The following COL6A6 variants were observed in gnomAD, a reference collection of about 807,000 sequenced individuals.
The protein encoded by COL6A6 is collagen alpha-6(VI) chain.
In COL6A6, 183 loss-of-function variants were observed where a neutral mutation model predicts 208.6. The ratio of observed to expected loss-of-function variants is 0.88; its 90% confidence interval spans 0.78 to 0.99. COL6A6 has a LOEUF of 0.99. Among genes scored for constraint, COL6A6 ranks in the 50% least tolerant of loss-of-function variants. The probability of loss-of-function intolerance (pLI) is 0.00; values close to 1 mark genes in which losing one functional copy is unlikely to be tolerated. For synonymous variants in COL6A6, 973 were observed against 1,011.8 expected (o/e 0.96, Z 0.73); for missense variants, 2,816 against 2,815.2 (o/e 1.00, Z -0.01).
At position 130,584,900 on chromosome 3, in the gene COL6A6, C is replaced by T. The variant is rs536805986; in HGVS notation, c.3971-1606C>T. On this transcript the variant is annotated intron_variant, in intron 10 of 36. Coordinates refer to ENST00000358511, the MANE Select transcript of COL6A6 (RefSeq NM_001102608.3). The stretch of plus-strand genomic sequence containing the variant: ...GAGTGATGGGATTACAGGTGTGAGC[C>T]ACCGCACCCGGCCTCTTTCTTTCTT... Among the ~76,000 whole-genome samples, 3 of 152,246 alleles carry T rather than the reference C, an allele frequency of 2.0e-5. No individual in the cohort carries two copies. In the East Asian group the frequency reaches 5.8e-4, roughly 29 times the overall value.
At chr3:130,665,751 A>C (rs2066059416) in intron 36 of COL6A6, among the ~76,000 whole-genome samples, 1 of 152,246 alleles carries the variant, frequency 6.6e-6, no homozygotes, top group African/African-American at 2.4e-5. Context: ...GAAAATCACC[A>C]GTTTGTGGTT....
At chr3:130,518,415 GTCACTT>G (rs1710865919) in intron 1 of COL6A6, among the ~76,000 whole-genome samples, 1 of 152,170 alleles carries the variant, frequency 6.6e-6, no homozygotes, top group Non-Finnish European at 1.5e-5. Flanking sequence ...CATAGAGGAA[GTCACTT>G]ACATAAAAAT....
Position 130,662,237 on chromosome 3 carries a change from T to A in COL6A6, c.6431T>A (p.Leu2144His). 6.2e-7 allele frequency: 1 copy of A among 1,614,040 alleles called. No homozygotes were observed. The highest frequency in any genetic ancestry group is 8.5e-7 in the Non-Finnish European group (1 of 1,179,888). Reference protein sequence around the residue: ...SHPLDHHLVQLGRIHKPDHSY... With the variant: ...SHPLDHHLVQHGRIHKPDHSY... ...CCTTTGGATCACCACCTGGTCCAGCTTGGCCGAATTCATAAACCTGACCAC... is the reference window on the plus strand; with the variant it reads ...CCTTTGGATCACCACCTGGTCCAGCATGGCCGAATTCATAAACCTGACCAC... Residue 2144 changes from leucine (L) to histidine (H), a missense_variant, in exon 35 of 37, where the codon CTT becomes CAT. Leu to His is a moderately conservative substitution (Grantham distance 99). Coordinates refer to ENST00000358511, the MANE Select transcript of COL6A6 (RefSeq NM_001102608.3).
intron 1 of COL6A6, among the ~76,000 whole-genome samples, chr3:130,552,652 T>TCATATGTGCG (rs1271085973): frequency 2.6e-5 from 4 of 152,214 alleles, no homozygotes; most frequent in Non-Finnish European, 4.4e-5. Flanking sequence ...CATTCAAGAT[T>TCATATGTGCG]AGTATTCATA....
chr3:130,672,700 G>A (rs112110658), intron 36 of COL6A6, among the ~76,000 whole-genome samples: 32 of 151,338 alleles, frequency 2.1e-4, no homozygotes, highest in African/African-American at 5.1e-4. Context: ...CACCGCGCCC[G>A]GCCCAAATGA....
intron 36 of COL6A6, 24 bp from the exon 37 acceptor site, chr3:130,675,178 A>G (rs779838121): frequency 6.2e-6 from 9 of 1,443,808 alleles, no homozygotes; most frequent in Middle Eastern, 2.4e-4. Flanking sequence ...TTTATCTTCT[A>G]TGATGTTCTC....
intron 1 of COL6A6, among the ~76,000 whole-genome samples, chr3:130,531,059 C>G (rs1484030102): frequency 4.3e-5 from 1 of 23,062 alleles, no homozygotes; most frequent in Non-Finnish European, 2.3e-4. Flanking sequence ...CACACACACA[C>G]AGTCTCTCTC....
chr3:130,531,275 T>TCTAACATCCTATTAGCAGCATA (rs2062088625), intron 1 of COL6A6, among the ~76,000 whole-genome samples: 1 of 148,414 alleles, frequency 6.7e-6, no homozygotes, highest in African/African-American at 2.6e-5. Flanking sequence ...TTTAGCAGCA[T>TCTAACATCCTATTAGCAGCATA]CTAACATCCT....
intron 32 of COL6A6, among the ~76,000 whole-genome samples, chr3:130,648,475 A>G (rs1445608940): frequency 6.6e-6 from 1 of 151,282 alleles, no homozygotes; most frequent in Non-Finnish European, 1.5e-5. Flanking sequence ...ACAGATGAAG[A>G]AACTGAGGCA....
At chr3:130,593,758 T>C (rs1285362603) in intron 17 of COL6A6, among the ~76,000 whole-genome samples, 2 of 152,158 alleles carry the variant, frequency 1.3e-5, no homozygotes, top group African/African-American at 4.8e-5. Flanking sequence ...GGTGAAGAAC[T>C]GGGGCCATCA....
chr3:130,565,589 A>G lies in COL6A6; in HGVS notation c.1257A>G (p.Ser419=). ...NQITHTVSVF[S]ERTETLKSGC... is the part of the protein sequence containing the mutation. The stretch of plus-strand genomic sequence containing the variant: ...TAACACACACAGTCTCTGTCTTTTC[A>G]GAGAGGACTGAAACGCTCAAATCTG... The change falls in exon 4 of 37, where the codon TCA becomes TCG. Residue 419 remains serine, a synonymous_variant. Transcript: ENST00000358511. 1 of 1,613,224 alleles carries G rather than the reference A, an allele frequency of 6.2e-7. No individual in the cohort carries two copies. The highest frequency in any genetic ancestry group is 1.3e-5 in the African/African-American group (1 of 75,060).
intron 7 of COL6A6, among the ~76,000 whole-genome samples, chr3:130,572,368 CTGAG>C (rs562306142): frequency 8.0e-4 from 122 of 152,198 alleles, no homozygotes; most frequent in African/African-American, 2.8e-3. Context: ...ACTTAGTTTC[CTGAG>C]TAATTTTCCC....
intron 12 of COL6A6, among the ~76,000 whole-genome samples, chr3:130,589,559 A>G (rs2063625034): frequency 6.6e-6 from 1 of 152,230 alleles, no homozygotes. Flanking sequence ...ATTAAAATCA[A>G]AGCGAAGATA....
At chr3:130,608,821 A>G (rs1383893192) in intron 21 of COL6A6, 81 bp from the exon 22 acceptor site, 4 of 792,424 alleles carry the variant, frequency 5.0e-6, no homozygotes, top group Admixed American at 6.9e-5. Context: ...TTGTGACTGA[A>G]AAAATATTTG....
chr3:130,635,612 A>G, intron 27 of COL6A6, 87 bp from the exon 28 acceptor site: 2 of 874,242 alleles, frequency 2.3e-6, no homozygotes, highest in Non-Finnish European at 3.6e-6. Flanking sequence ...AAATGTCTTC[A>G]TGTTAGAATC....
At chr3:130,528,513 G>A (rs2062011744) in intron 1 of COL6A6, among the ~76,000 whole-genome samples, 1 of 152,200 alleles carries the variant, frequency 6.6e-6, no homozygotes, top group South Asian at 2.1e-4. Context: ...TGTCTCTGTT[G>A]CAACTACTCA....
At chr3:130,639,590 G>A (rs1045456745) in intron 28 of COL6A6, among the ~76,000 whole-genome samples, 2 of 151,958 alleles carry the variant, frequency 1.3e-5, no homozygotes, top group Non-Finnish European at 1.5e-5. Flanking sequence ...CTACCAGGGG[G>A]CTGAGGTGTG....
In COL6A6 at chr3:130,562,728, A is replaced by AAAAGGTAT. The variant is rs546613849; in HGVS notation, c.65-336_65-329dup. Among the ~76,000 whole-genome samples, 277 of 152,338 alleles carry AAAAGGTAT rather than the reference A, an allele frequency of 1.8e-3. 1 individual carries two copies. The highest frequency in any genetic ancestry group is 6.3e-3 in the African/African-American group (261 of 41,576). On this transcript the variant is annotated intron_variant, in intron 2 of 36. Transcript: ENST00000358511. ...AAAACTACAAGAGGAAATTATCCAC[A>AAAAGGTAT]AAAGGTATAAAACCCATGATTTTTT...
At chr3:130,625,687 C>T (rs919597673) in intron 24 of COL6A6, among the ~76,000 whole-genome samples, 5 of 152,094 alleles carry the variant, frequency 3.3e-5, no homozygotes, top group African/African-American at 9.7e-5. Context: ...GGAGACATAC[C>T]ATGTGGATCC....
Sources: gnomAD v4.1 joint callset for allele counts (sites outside exome capture counted in the v4.1 genomes callset) on GRCh38, gnomAD v4.1.1 for gene constraint, MANE v1.5 for transcripts, NCBI Gene and HGNC (gene_info 2026-07-23, HGNC 2026-07-21) for gene names.